CSMD3: variants seen among roughly 807,000 people sequenced by gnomAD.
CSMD3 encodes CUB and Sushi multiple domains 3.
Under a neutral mutation model 435.2 loss-of-function variants are expected in CSMD3, and 177 were observed. That is an observed-to-expected ratio of 0.41 (90% CI 0.36 to 0.46). CSMD3 has a LOEUF of 0.46. Among genes scored for constraint, CSMD3 ranks in the 20% least tolerant of loss-of-function variants. The probability of loss-of-function intolerance (pLI) is 0.34; values close to 1 mark genes in which losing one functional copy is unlikely to be tolerated. For synonymous variants in CSMD3, 1,656 were observed against 1,520.5 expected, an observed-to-expected ratio of 1.09 and a Z score of -2.07; for missense variants, 4,265 against 4,504.6, an observed-to-expected ratio of 0.95 and a Z score of 1.52.
chr8:112,466,720 A>G (rs985935067), intron 32 of CSMD3, among the ~76,000 whole-genome samples: 1 of 152,182 alleles, frequency 6.6e-6, no homozygotes, highest in African/African-American at 2.4e-5. Context: ...CAATTTATGC[A>G]GAAATGTGAA....
intron 12 of CSMD3, among the ~76,000 whole-genome samples, chr8:112,803,418 C>T (rs1332558378): frequency 2.6e-5 from 4 of 152,086 alleles, no homozygotes; most frequent in African/African-American, 4.8e-5. Context: ...TGCCTCATGC[C>T]CTAACCCTGA....
At chr8:112,327,058 G>T (rs1276681577) in intron 45 of CSMD3, among the ~76,000 whole-genome samples, 1 of 151,838 alleles carries the variant, frequency 6.6e-6, no homozygotes, top group Non-Finnish European at 1.5e-5. Flanking sequence ...AAATAAATTG[G>T]ATATCCTTGT....
intron 23 of CSMD3, among the ~76,000 whole-genome samples, chr8:112,586,713 A>G (rs1284488314): frequency 6.6e-6 from 1 of 151,200 alleles, no homozygotes; most frequent in Non-Finnish European, 1.5e-5. Flanking sequence ...AGAAATGACT[A>G]TCACATTACA....
chr8:112,231,378 G>C (rs552806245), intron 69 of CSMD3, among the ~76,000 whole-genome samples, 167 bp downstream of exon 69: 79 of 152,086 alleles, frequency 5.2e-4, no homozygotes, highest in Admixed American at 1.6e-3. Context: ...CCAGTATTTT[G>C]AAGAATGTGA....
chr8:112,864,935 T>C (rs902100863), intron 10 of CSMD3, among the ~76,000 whole-genome samples: 11 of 152,200 alleles, frequency 7.2e-5, no homozygotes, highest in African/African-American at 2.4e-4. Context: ...ATGCCACCTG[T>C]GTTTTTATAA....
rs374169702 is a variant in CSMD3 at position 112,662,139 on chromosome 8, G to A, written c.2816+4138C>T. 5.0e-4 allele frequency among the ~76,000 whole-genome samples: 76 copies of A among 152,158 alleles called. 1 individual carries two copies. Among genetic ancestry groups the A allele is most frequent in the East Asian group, 4.3e-3 (22 of 5,172 alleles). ...TCAATGCCATCCCCATCAAGCTACC[G>A]ATGACTTTCTTCACAGAATTGGAAA... is the stretch of plus-strand genomic sequence containing the variant. On this transcript the variant is annotated intron_variant, in intron 17 of 70. Coordinates refer to ENST00000297405, the MANE Select transcript of CSMD3 (RefSeq NM_198123.2).
intron 4 of CSMD3, among the ~76,000 whole-genome samples, chr8:113,135,277 A>G (rs555390879): frequency 6.6e-6 from 1 of 152,148 alleles, no homozygotes; most frequent in Admixed American, 6.6e-5. Flanking sequence ...ATTAGGAATA[A>G]TAAAATAAAT....
At chr8:113,262,477 T>C (rs1410623030) in intron 3 of CSMD3, among the ~76,000 whole-genome samples, 2 of 152,078 alleles carry the variant, frequency 1.3e-5, no homozygotes, top group Non-Finnish European at 2.9e-5. Context: ...GGTGGAATTA[T>C]GCAGCTAATA....
At chr8:112,573,469 G>T in intron 24 of CSMD3, 32 bp downstream of exon 24, 6 of 1,570,984 alleles carry the variant, frequency 3.8e-6, no homozygotes, top group Non-Finnish European at 5.3e-6. Flanking sequence ...GCACCCCAGT[G>T]TTTGGCCATT....
At chr8:112,632,817 T>A (rs1168624847) in intron 22 of CSMD3, among the ~76,000 whole-genome samples, 3 of 151,914 alleles carry the variant, frequency 2.0e-5, no homozygotes, top group Non-Finnish European at 4.4e-5. Context: ...AATTTTTTTA[T>A]TTATTTATAT....
rs148729437 is a variant in CSMD3, at chr8:113,244,817, C to T, written c.514+33775G>A. Reference sequence around the variant, plus strand: ...CTGTGAATATATGAAGTCTAATTTGCTTATTATTTTATTCAAGTCTTCTAT... The same window carrying T: ...CTGTGAATATATGAAGTCTAATTTGTTTATTATTTTATTCAAGTCTTCTAT... On this transcript the variant is annotated intron_variant, in intron 3 of 70. Transcript: ENST00000297405. Among the ~76,000 whole-genome samples, 646 of 152,058 alleles carry T rather than the reference C, an allele frequency of 4.2e-3. 6 individuals carry two copies. Among genetic ancestry groups the T allele is most frequent in the Non-Finnish European group, 7.3e-3 (498 of 67,968 alleles).
chr8:112,697,902 G>A (rs541120899), intron 13 of CSMD3, among the ~76,000 whole-genome samples: 7 of 152,154 alleles, frequency 4.6e-5, no homozygotes, highest in East Asian at 3.9e-4. Context: ...TTATCTCACC[G>A]AGTAGACTAA....
chr8:112,627,277 C>A (rs1834556540), intron 22 of CSMD3, among the ~76,000 whole-genome samples: 1 of 151,992 alleles, frequency 6.6e-6, no homozygotes, highest in Non-Finnish European at 1.5e-5. Context: ...GGTTAAATTT[C>A]TTAGACATAG....
chr8:112,322,522 C>G (rs1464067766), intron 45 of CSMD3, among the ~76,000 whole-genome samples: 1 of 152,022 alleles, frequency 6.6e-6, no homozygotes, highest in East Asian at 1.9e-4. Context: ...TCAATAAGAA[C>G]AACTCTATTC....
At chr8:113,208,918 T>C (rs1234780744) in intron 3 of CSMD3, among the ~76,000 whole-genome samples, 2 of 152,144 alleles carry the variant, frequency 1.3e-5, no homozygotes, top group East Asian at 1.9e-4. Context: ...AGCAAAATAT[T>C]TTTTCATTTT....
At chr8:113,274,025 A>T (rs1389070325) in intron 3 of CSMD3, among the ~76,000 whole-genome samples, 1 of 152,058 alleles carries the variant, frequency 6.6e-6, no homozygotes, top group African/African-American at 2.4e-5. Flanking sequence ...AATGTAAAGA[A>T]TTTGATAGCG....
At chr8:112,696,061 G>T (rs902416062) in intron 13 of CSMD3, among the ~76,000 whole-genome samples, 1 of 152,116 alleles carries the variant, frequency 6.6e-6, no homozygotes, top group East Asian at 1.9e-4. Context: ...ACAAACCACT[G>T]CTCAGCGAAA....
At chr8:112,241,844 G>GCACA (rs5894077) in intron 65 of CSMD3, 59 bp from the exon 66 acceptor site, 413 of 765,776 alleles carry the variant, frequency 5.4e-4, no homozygotes, top group South Asian at 8.5e-4. Flanking sequence ...ATACACATGC[G>GCACA]CACACACACA....
intron 3 of CSMD3, among the ~76,000 whole-genome samples, chr8:113,179,079 T>C (rs1364525594): frequency 6.6e-6 from 1 of 151,802 alleles, no homozygotes; most frequent in African/African-American, 2.4e-5. Flanking sequence ...ACTAATTCAA[T>C]GTTGAGTGGG....
Sources: allele counts gnomAD v4.1 joint callset (sites outside exome capture counted in the v4.1 genomes callset), GRCh38; gene constraint gnomAD v4.1.1; transcripts MANE v1.5; gene names NCBI Gene and HGNC (gene_info 2026-07-23, HGNC 2026-07-21).